The following MAN1A1 variants were observed in gnomAD, a reference collection of about 807,000 sequenced individuals.
MAN1A1 encodes the protein mannosidase alpha class 1A member 1.
In MAN1A1, 29 loss-of-function variants were observed where a neutral mutation model predicts 70.8. The observed-to-expected ratio is 0.41, with a 90% CI of 0.31 to 0.56. MAN1A1 has a LOEUF of 0.56. Ranked by LOEUF, MAN1A1 falls within the 20% of genes least tolerant of loss-of-function variation. The pLI, the probability that MAN1A1 is intolerant of heterozygous loss-of-function variation, is 0.29. For missense variants in MAN1A1, 747 were observed against 841.3 expected (o/e 0.89, Z 1.39); for synonymous variants, 349 against 330.1 (o/e 1.06, Z -0.62).
intron 2 of MAN1A1, among the ~76,000 whole-genome samples, chr6:119,323,654 G>A (rs1158342531): frequency 1.3e-5 from 2 of 152,168 alleles, no homozygotes; most frequent in East Asian, 3.8e-4. Context: ...AGTCTCAACA[G>A]CTTCTGCACC....
chr6:119,265,915 C>T (rs981118421), intron 5 of MAN1A1, among the ~76,000 whole-genome samples: 6 of 152,036 alleles, frequency 3.9e-5, no homozygotes, highest in African/African-American at 1.4e-4. Flanking sequence ...GTGAGTATTG[C>T]AAGATTTCAG....
At chr6:119,344,780 A>G (rs1312385579) in intron 2 of MAN1A1, among the ~76,000 whole-genome samples, 1 of 152,258 alleles carries the variant, frequency 6.6e-6, no homozygotes, top group Admixed American at 6.5e-5. Context: ...CTATATGCCT[A>G]AGGCTAGCAT....
intron 6 of MAN1A1, among the ~76,000 whole-genome samples, chr6:119,231,993 T>C (rs1293109848): frequency 3.3e-5 from 5 of 152,162 alleles, no homozygotes; most frequent in Admixed American, 6.5e-5. Flanking sequence ...TGAAAGGTGG[T>C]TGTATATATC....
intron 5 of MAN1A1, among the ~76,000 whole-genome samples, chr6:119,255,738 C>G (rs1396088845): frequency 2.0e-5 from 3 of 152,186 alleles, no homozygotes; most frequent in Non-Finnish European, 4.4e-5. Context: ...TTCCTGTCAT[C>G]TCAGAGACGG....
intron 2 of MAN1A1, among the ~76,000 whole-genome samples, chr6:119,322,544 G>A (rs896247246): frequency 6.6e-6 from 1 of 152,094 alleles, no homozygotes; most frequent in African/African-American, 2.4e-5. Context: ...TATGTACACC[G>A]AAACGAGGCA....
intron 6 of MAN1A1, among the ~76,000 whole-genome samples, chr6:119,231,181 G>A (rs892845870): frequency 5.3e-5 from 8 of 152,122 alleles, no homozygotes; most frequent in African/African-American, 1.9e-4. Flanking sequence ...GAAAAGCAGA[G>A]TGCTAATATG....
intron 5 of MAN1A1, among the ~76,000 whole-genome samples, chr6:119,285,143 T>TTTCTTTTCTTTC (rs1444540202): frequency 6.6e-6 from 1 of 151,182 alleles, no homozygotes. Flanking sequence ...CAGACTTTTT[T>TTTCTTTTCTTTC]TTTTTTTTTT....
At position 119,302,811 on chromosome 6, in the gene MAN1A1, G is replaced by C. The variant is rs144797285; in HGVS notation, c.701-708C>G. On this transcript the variant is annotated intron_variant, in intron 3 of 12. Transcript: ENST00000368468. Reference sequence around the variant, plus strand: ...ATATAATTAGATCTAAAATTGTTTAGTGATAGTTCTAAGAAGACATTACTC... The same window carrying C: ...ATATAATTAGATCTAAAATTGTTTACTGATAGTTCTAAGAAGACATTACTC... 2.0e-3 allele frequency among the ~76,000 whole-genome samples: 309 copies of C among 152,232 alleles called. 3 individuals carry two copies. The highest frequency in any genetic ancestry group is 7.1e-3 in the African/African-American group (296 of 41,536).
intron 6 of MAN1A1, among the ~76,000 whole-genome samples, chr6:119,236,133 TAA>T (rs367861780): frequency 1.4e-4 from 19 of 136,998 alleles, no homozygotes; most frequent in Non-Finnish European, 1.1e-4. Context: ...AGACTCCGTC[TAA>T]AAAAAAAAAA....
At chr6:119,282,613 T>A (rs1463284230) in intron 5 of MAN1A1, among the ~76,000 whole-genome samples, 3 of 152,172 alleles carry the variant, frequency 2.0e-5, no homozygotes, top group African/African-American at 7.2e-5. Flanking sequence ...AATGAAAATA[T>A]TAGCTATTCA....
chr6:119,223,240 AT>A (rs1224858368), intron 6 of MAN1A1, among the ~76,000 whole-genome samples: 1 of 152,138 alleles, frequency 6.6e-6, no homozygotes, highest in African/African-American at 2.4e-5. Flanking sequence ...TCATTCTACT[AT>A]TTTGGTTATA....
chr6:119,235,671 A>G (rs556017624), intron 6 of MAN1A1, among the ~76,000 whole-genome samples: 1 of 152,340 alleles, frequency 6.6e-6, no homozygotes, highest in East Asian at 1.9e-4. Flanking sequence ...CACATTTTCA[A>G]TGTAGATGAA....
intron 4 of MAN1A1, among the ~76,000 whole-genome samples, chr6:119,292,873 T>G (rs1772083710): frequency 6.6e-6 from 1 of 152,108 alleles, no homozygotes; most frequent in Non-Finnish European, 1.5e-5. Context: ...GCTTTAATAT[T>G]CTACAAAATT....
intron 5 of MAN1A1, among the ~76,000 whole-genome samples, chr6:119,264,674 T>C (rs918714808): frequency 2.0e-5 from 3 of 152,210 alleles, no homozygotes; most frequent in Non-Finnish European, 4.4e-5. Context: ...GTCAAATTTA[T>C]GAGGCCAAGA....
rs537208761 is a variant in MAN1A1 at position 119,348,791 on chromosome 6, G to C, written c.275C>G (p.Ala92Gly). The change falls in exon 2 of 13, where the codon GCG (alanine) becomes GGG (glycine). Residue 92 changes from alanine (A) to glycine (G), a missense_variant. Around this residue, in one of 2 missense-constraint regions of MAN1A1, gnomAD observed 328 missense variants for 293.1 expected, o/e 1.12. Transcript: ENST00000368468. The stretch of plus-strand genomic sequence containing the variant: ...CCCCTCGGCCGCGTCCTCGGCGCGC[G>C]CCCCGGGCCCGGGCTTGTGGTCGGC... ...PAADHKPGPGARAEDAAEGRA... is the reference protein window; with the variant it reads ...PAADHKPGPGGRAEDAAEGRA... The C allele has an allele frequency of 1.4e-6, 2 of 1,405,046 alleles. No individual in the cohort carries two copies. The highest frequency in any genetic ancestry group is 1.9e-6 in the Non-Finnish European group (2 of 1,078,952). The allele number at this position is 1,405,046 out of a possible 1,614,324, so 87.0% of individuals were successfully genotyped here.
chr6:119,208,446 T>G (rs1297779322), intron 6 of MAN1A1, among the ~76,000 whole-genome samples: 1 of 152,244 alleles, frequency 6.6e-6, no homozygotes, highest in Admixed American at 6.5e-5. Flanking sequence ...GTCACTATGA[T>G]CTTTTGAAAG....
At chr6:119,201,426 A>G (rs975606156) in intron 7 of MAN1A1, 79 bp from the exon 8 acceptor site, 1 of 920,020 alleles carries the variant, frequency 1.1e-6, no homozygotes, top group Middle Eastern at 2.7e-4. Flanking sequence ...TGAACATACA[A>G]GTTGACTTAA....
At chr6:119,327,958 T>G (rs932143736) in intron 2 of MAN1A1, among the ~76,000 whole-genome samples, 1 of 152,100 alleles carries the variant, frequency 6.6e-6, no homozygotes. Context: ...GAACTGAATT[T>G]TGCCAACAAC....
At chr6:119,312,714 C>A (rs1197221753) in intron 2 of MAN1A1, among the ~76,000 whole-genome samples, 1 of 152,122 alleles carries the variant, frequency 6.6e-6, no homozygotes, top group Non-Finnish European at 1.5e-5. Context: ...AGGGTCTGCC[C>A]TTCTACCCCT....
Sources: gnomAD v4.1 joint callset for allele counts (sites outside exome capture counted in the v4.1 genomes callset) on GRCh38, gnomAD v4.1.1 for gene constraint, gnomAD v4.1.1 regional missense constraint, MANE v1.5 for transcripts, NCBI Gene and HGNC (gene_info 2026-07-23, HGNC 2026-07-21) for gene names.